PCDHGA3: variants seen among roughly 807,000 people sequenced by gnomAD.
The protein encoded by PCDHGA3 is protocadherin gamma-A3.
A neutral mutation model predicts 58.5 loss-of-function variants in PCDHGA3; 40 were observed. That is an observed-to-expected ratio of 0.68 (90% confidence interval 0.53 to 0.89). The LOEUF is 0.89. Among genes scored for constraint, PCDHGA3 ranks in the 40% least tolerant of loss-of-function variants. The pLI is 0.00. For missense variants in PCDHGA3, 1,223 were observed against 1,195.9 expected (o/e 1.02, Z -0.33); for synonymous variants, 530 against 525.7 (o/e 1.01, Z -0.11).
chr5:141,492,007 C>A, intron 1 of PCDHGA3: 1 of 629,072 alleles, frequency 1.6e-6, no homozygotes, highest in Non-Finnish European at 2.6e-6. Flanking sequence ...GCGATTTCCG[C>A]GGGTGTCGGG....
chr5:141,394,393 A>G lies in PCDHGA3; in HGVS notation c.2424+47936A>G, dbSNP rs201461446. ...TCTTTCGACTATGAGCAGATCCGAG[A>G]CCTGCAGCTACTGGTAACAGCCAGC... On this transcript the variant is annotated intron_variant, in intron 1 of 3. Coordinates refer to ENST00000253812, the MANE Select transcript of PCDHGA3 (RefSeq NM_018916.4). The G allele has an allele frequency of 4.3e-4, 696 of 1,614,048 alleles. No individual in the cohort carries two copies. The highest frequency in any genetic ancestry group is 5.7e-4 in the Non-Finnish European group (671 of 1,180,036).
rs543657386 is a variant in PCDHGA3, at chr5:141,370,919, T to C, written c.2424+24462T>C. 135 of 1,613,966 alleles carry C rather than the reference T, an allele frequency of 8.4e-5. No homozygotes were observed. The South Asian group carries it at 1.4e-3, about 17-fold the overall frequency. On this transcript the variant is annotated intron_variant, in intron 1 of 3. Coordinates refer to ENST00000253812, the MANE Select transcript of PCDHGA3 (RefSeq NM_018916.4). ...TGCAGCAGTACTACCTCAGCCCTGA[T>C]CCGCACTTCTCTTTGATTCAGAAGG... is the stretch of plus-strand genomic sequence containing the variant.
At chr5:141,423,837 A>G (rs73792199) in intron 1 of PCDHGA3, 16,285 of 1,277,458 alleles carry the variant, frequency 0.013, 610 homozygotes, top group African/African-American at 0.098. Context: ...TGAGATTACG[A>G]TAATCTTTCA....
At chr5:141,361,752 G>T (rs1860253) in intron 1 of PCDHGA3, 5 of 1,613,022 alleles carry the variant, frequency 3.1e-6, no homozygotes, top group East Asian at 4.5e-5. Flanking sequence ...ACCAGGGCTC[G>T]CCCGCGCTCA....
chr5:141,405,164 T>C, intron 1 of PCDHGA3: 1 of 1,614,076 alleles, frequency 6.2e-7, no homozygotes, highest in East Asian at 2.2e-5. Flanking sequence ...TGTGCCCACC[T>C]CACACTTTGT....
intron 1 of PCDHGA3, chr5:141,357,255 C>A: frequency 6.2e-7 from 1 of 1,613,736 alleles, no homozygotes; most frequent in Non-Finnish European, 8.5e-7. Flanking sequence ...CAGACCCAGA[C>A]GACTCGGGCC....
intron 1 of PCDHGA3, chr5:141,384,327 A>G (rs750339599): frequency 2.7e-5 from 43 of 1,613,860 alleles, no homozygotes; most frequent in Non-Finnish European, 3.1e-5. Flanking sequence ...TAGTGACTGC[A>G]CAGGACCACG....
chr5:141,356,115 G>A (rs766964072), intron 1 of PCDHGA3: 1 of 1,613,762 alleles, frequency 6.2e-7, no homozygotes, highest in Admixed American at 1.7e-5. Flanking sequence ...CAATATTGGG[G>A]GGTCTAGATT....
Position 141,476,464 on chromosome 5 carries a change from G to A in PCDHGA3, c.2425-18343G>A, listed in dbSNP as rs745664477. On this transcript the variant is annotated intron_variant, in intron 1 of 3. Transcript: ENST00000253812. This position sits in a 1 kb window ranked among gnomAD's most constrained non-coding sequence, Gnocchi z 7.6. ...TGGAGTTGGTAGTGGAGAACCCGCT[G>A]GAGCTGTTCAGCGTGGAAGTGGTGA... 3 of 1,614,140 alleles carry A rather than the reference G, an allele frequency of 1.9e-6. No homozygotes were observed. Among genetic ancestry groups the A allele is most frequent in the Non-Finnish European group, 2.5e-6 (3 of 1,180,014 alleles).
intron 1 of PCDHGA3, chr5:141,351,520 C>A (rs770918784): frequency 6.2e-7 from 1 of 1,614,014 alleles, no homozygotes; most frequent in South Asian, 1.1e-5. Context: ...CAATCATAGC[C>A]ACCGACAAGG....
In PCDHGA3 at chr5:141,439,231, T is replaced by C. The variant is rs545867747; in HGVS notation, c.2425-55576T>C. 2.0e-5 allele frequency among the ~76,000 whole-genome samples: 3 copies of C among 151,650 alleles called. No individual in the cohort carries two copies. In the East Asian group the frequency reaches 5.8e-4, roughly 29 times the overall value. On this transcript the variant is annotated intron_variant, in intron 1 of 3. Coordinates refer to ENST00000253812, the MANE Select transcript of PCDHGA3 (RefSeq NM_018916.4). ...TCCATATGTGAAAATTCTTAGAAGC[T>C]TCCTATACAATTTCAGCTGAAGATT...
At chr5:141,475,829 G>A (rs1408248560) in intron 1 of PCDHGA3, 5 of 386,748 alleles carry the variant, frequency 1.3e-5, no homozygotes, top group Non-Finnish European at 2.3e-5. Flanking sequence ...GCGCTAGCGC[G>A]TGTCCTGCTC....
rs1488446232 is a variant in PCDHGA3, at chr5:141,493,171, A to G, written c.2425-1636A>G. On this transcript the variant is annotated intron_variant, in intron 1 of 3. Coordinates refer to ENST00000253812, the MANE Select transcript of PCDHGA3 (RefSeq NM_018916.4). This position sits in a 1 kb window ranked among gnomAD's most constrained non-coding sequence, Gnocchi z 4.3. ...GGTGATTTTGATAGCTGATTGAGAG[A>G]AACTTACTATATAACTCCTTTGAGA... is the stretch of plus-strand genomic sequence containing the variant. 6.6e-6 allele frequency among the ~76,000 whole-genome samples: 1 copy of G among 152,214 alleles called. No homozygotes were observed. The highest frequency in any genetic ancestry group is 1.5e-5 in the Non-Finnish European group (1 of 68,034).
At chr5:141,403,509 A>G in intron 1 of PCDHGA3, 1 of 1,614,002 alleles carries the variant, frequency 6.2e-7, no homozygotes, top group Non-Finnish European at 8.5e-7. Context: ...CAGACTGGAG[A>G]CAATGGAGCC....
At position 141,476,994 on chromosome 5, in the gene PCDHGA3, A is replaced by T; in HGVS notation, c.2425-17813A>T. 6.2e-7 allele frequency: 1 copy of T among 1,614,260 alleles called. No individual in the cohort carries two copies. The highest frequency in any genetic ancestry group is 2.2e-5 in the East Asian group (1 of 44,884). On this transcript the variant is annotated intron_variant, in intron 1 of 3. Transcript: ENST00000253812. This position sits in a 1 kb window ranked among gnomAD's most constrained non-coding sequence, Gnocchi z 7.6. ...AGCCACAACCGCGCCGGCGTGCGGC[A>T]ACTATTCGCCTTAGACCTTGTAACC...
intron 1 of PCDHGA3, among the ~76,000 whole-genome samples, chr5:141,442,789 T>C (rs2098343347): frequency 6.6e-6 from 1 of 152,196 alleles, no homozygotes; most frequent in African/African-American, 2.4e-5. Flanking sequence ...ATTTTATAAT[T>C]TTACTTTGAT....
At chr5:141,362,716 C>G (rs1286342782) in intron 1 of PCDHGA3, 6 of 905,252 alleles carry the variant, frequency 6.6e-6, no homozygotes, top group Non-Finnish European at 9.7e-6. Flanking sequence ...TGTTTTCTCT[C>G]TGAAGTGTGA....
chr5:141,393,399 C>G, intron 1 of PCDHGA3: 1 of 1,614,028 alleles, frequency 6.2e-7, no homozygotes, highest in Non-Finnish European at 8.5e-7. Flanking sequence ...AGAGCTGGTG[C>G]TGGAGCGCGC....
chr5:141,495,122 C>T (rs1365586518), intron 2 of PCDHGA3, among the ~76,000 whole-genome samples: 2 of 152,282 alleles, frequency 1.3e-5, no homozygotes, highest in East Asian at 3.9e-4. Flanking sequence ...TTCCTATCCC[C>T]TGAGGGCACT....
Sources: gnomAD v4.1 joint callset for allele counts (sites outside exome capture counted in the v4.1 genomes callset) on GRCh38, gnomAD v4.1.1 for gene constraint, Gnocchi (gnomAD v3.1) non-coding constraint, MANE v1.5 for transcripts, NCBI Gene and HGNC (gene_info 2026-07-23, HGNC 2026-07-21) for gene names.